TNS1: variants seen among roughly 807,000 people sequenced by gnomAD.
TNS1 encodes the protein tensin 1.
A neutral mutation model predicts 168.6 loss-of-function variants in TNS1; 62 were observed. That is an observed-to-expected ratio of 0.37 (90% CI 0.30 to 0.45). The LOEUF (loss-of-function observed/expected upper bound fraction) is 0.45. TNS1 is among the 20% of genes least tolerant of loss of function. TNS1 has a pLI of 1.00. For synonymous variants in TNS1, 934 were observed against 933.2 expected (o/e 1.00, Z -0.02); for missense variants, 2,240 against 2,339.4 (o/e 0.96, Z 0.88).
intron 18 of TNS1, chr2:217,849,936 T>A (rs1012163623): frequency 5.6e-5 from 55 of 985,286 alleles, no homozygotes; most frequent in Non-Finnish European, 6.3e-5. Context: ...CAGCTAGATT[T>A]GTCTCCAGCT....
In TNS1 at chr2:217,886,040, T is replaced by C; in HGVS notation, c.1040+4A>G. ...CTGGCCTCTCACGCCCATGTAATACTTACTAGATGCCAGATGTGTACACAG... is the reference window on the plus strand; with the variant it reads ...CTGGCCTCTCACGCCCATGTAATACCTACTAGATGCCAGATGTGTACACAG... On this transcript the variant is annotated splice_donor_region_variant and intron_variant, in intron 14 of 32. Coordinates refer to ENST00000682258, the MANE Select transcript of TNS1 (RefSeq NM_001387777.1). 1 of 1,614,016 alleles carries C rather than the reference T, an allele frequency of 6.2e-7. No homozygotes were observed. Among genetic ancestry groups the C allele is most frequent in the Non-Finnish European group, 8.5e-7 (1 of 1,179,992 alleles).
In TNS1 at chr2:217,861,265, G is replaced by A. The variant is rs527676381; in HGVS notation, c.1430-12178C>T. Among the ~76,000 whole-genome samples, 32 of 152,198 alleles carry A rather than the reference G, an allele frequency of 2.1e-4. No homozygotes were observed. The South Asian group carries it at 6.7e-3, about 32-fold the overall frequency. The stretch of plus-strand genomic sequence containing the variant: ...TGGAGTGGGTCAGAACAAGCCAATC[G>A]CCCCCTCGCTAGAGCCCTTCAGATA... On this transcript the variant is annotated intron_variant, in intron 18 of 32. Transcript: ENST00000682258.
In TNS1 at chr2:217,958,390, C is replaced by T. The variant is rs138184658; in HGVS notation, c.186+20375G>A. ...GTCACGCACCCTCTTCCCAAACCGT[C>T]GTCTGCATCCTGAGCATGCAGGTTC... is the stretch of plus-strand genomic sequence containing the variant. On this transcript the variant is annotated intron_variant, in intron 3 of 32. Transcript: ENST00000682258. 1.5e-3 allele frequency among the ~76,000 whole-genome samples: 229 copies of T among 152,320 alleles called. 1 individual carries two copies. The highest frequency in any genetic ancestry group is 5.3e-3 in the African/African-American group (220 of 41,580).
At chr2:217,975,177 C>A (rs1200269645) in intron 3 of TNS1, among the ~76,000 whole-genome samples, 1 of 152,102 alleles carries the variant, frequency 6.6e-6, no homozygotes, top group Non-Finnish European at 1.5e-5. Context: ...AACTTGATAG[C>A]CACATGACAG....
chr2:217,916,579 C>T (rs1369088090), intron 4 of TNS1, among the ~76,000 whole-genome samples: 2 of 152,240 alleles, frequency 1.3e-5, no homozygotes, highest in East Asian at 3.8e-4. Flanking sequence ...GCCCTCTTGC[C>T]TCTCCATCCT....
At chr2:218,018,291 TA>T (rs1958779976) in intron 1 of TNS1, among the ~76,000 whole-genome samples, 1 of 152,214 alleles carries the variant, frequency 6.6e-6, no homozygotes, top group Admixed American at 6.5e-5. Context: ...ATTATTCCCA[TA>T]CTGTTCCCCA....
At chr2:217,906,811 C>G (rs576807495) in intron 5 of TNS1, among the ~76,000 whole-genome samples, 1 of 152,324 alleles carries the variant, frequency 6.6e-6, no homozygotes, top group Non-Finnish European at 1.5e-5. Context: ...ACTTTCCTCC[C>G]TTCATCTTCC....
At chr2:218,023,024 G>T (rs1021133194) in intron 1 of TNS1, among the ~76,000 whole-genome samples, 17 of 152,198 alleles carry the variant, frequency 1.1e-4, no homozygotes, top group Non-Finnish European at 1.8e-4. Flanking sequence ...GTGGCCTCAC[G>T]TCTGGCTGGA....
At chr2:217,953,645 G>A (rs1183631496) in intron 3 of TNS1, among the ~76,000 whole-genome samples, 2 of 152,082 alleles carry the variant, frequency 1.3e-5, no homozygotes, top group Admixed American at 1.3e-4. Context: ...CTGAGCCCAG[G>A]TGCCAAAGAG....
intron 18 of TNS1, among the ~76,000 whole-genome samples, chr2:217,854,452 G>C (rs80354690): frequency 0.034 from 5,205 of 152,208 alleles, 298 homozygotes; most frequent in African/African-American, 0.12. Context: ...AGTCCTTTGG[G>C]TCCAAGTCCA....
intron 18 of TNS1, among the ~76,000 whole-genome samples, chr2:217,873,850 T>C (rs1026099028): frequency 6.6e-6 from 1 of 152,148 alleles, no homozygotes; most frequent in Non-Finnish European, 1.5e-5. Context: ...AGAGATATCA[T>C]TTGTGTCTCT....
chr2:218,018,593 T>G (rs1476186550), intron 1 of TNS1, among the ~76,000 whole-genome samples: 1 of 152,248 alleles, frequency 6.6e-6, no homozygotes, highest in African/African-American at 2.4e-5. Context: ...AGGCCTCACC[T>G]GGGCCACTCA....
intron 2 of TNS1, among the ~76,000 whole-genome samples, chr2:217,980,227 C>T (rs530494558): frequency 3.3e-5 from 5 of 152,166 alleles, no homozygotes; most frequent in African/African-American, 1.2e-4. Context: ...GCCACCCAGC[C>T]TAGCTCAGGG....
intron 1 of TNS1, among the ~76,000 whole-genome samples, chr2:218,019,636 C>A (rs1958790769): frequency 6.6e-6 from 1 of 152,172 alleles, no homozygotes; most frequent in Non-Finnish European, 1.5e-5. Flanking sequence ...AAGGGGCTTG[C>A]CCTTTCGCCT....
chr2:217,831,316 G>A, intron 22 of TNS1, 139 bp downstream of exon 22: 1 of 652,330 alleles, frequency 1.5e-6, no homozygotes, highest in East Asian at 3.3e-5. Flanking sequence ...CCTACACAGA[G>A]AGCCCCAACC....
chr2:218,006,540 TA>T (rs1215234651), upstream of TNS1, among the ~76,000 whole-genome samples: 1 of 152,234 alleles, frequency 6.6e-6, no homozygotes, highest in East Asian at 1.9e-4. Context: ...CAGAGCATTT[TA>T]AAGCTGGAAA....
chr2:217,952,355 G>A (rs1243750025), intron 3 of TNS1, among the ~76,000 whole-genome samples: 1 of 152,228 alleles, frequency 6.6e-6, no homozygotes, highest in African/African-American at 2.4e-5. Flanking sequence ...ATAAGCAGGG[G>A]TGATAGGACT....
At chr2:217,832,564 C>T (rs1357906676) in intron 21 of TNS1, among the ~76,000 whole-genome samples, 1 of 152,190 alleles carries the variant, frequency 6.6e-6, no homozygotes, top group Non-Finnish European at 1.5e-5. Context: ...TAGCTGTGGC[C>T]CTCAGATGCC....
intron 1 of TNS1, among the ~76,000 whole-genome samples, chr2:217,997,785 C>T (rs1473962738): frequency 6.6e-6 from 1 of 152,188 alleles, no homozygotes; most frequent in East Asian, 1.9e-4. Context: ...TGGGGCCTGG[C>T]GCATGGTGAG....
Sources: allele counts gnomAD v4.1 joint callset (sites outside exome capture counted in the v4.1 genomes callset), GRCh38; gene constraint gnomAD v4.1.1; transcripts MANE v1.5; gene names NCBI Gene and HGNC (gene_info 2026-07-23, HGNC 2026-07-21).